Variants in AKT1S1 observed in about 807,000 individuals in gnomAD.
AKT1S1 encodes the protein AKT1 substrate 1, also known as proline-rich AKT1 substrate 1.
In AKT1S1, 17 loss-of-function variants were observed where a neutral mutation model predicts 21.2. That is an observed-to-expected ratio of 0.80 (90% CI 0.55 to 1.20). The LOEUF (loss-of-function observed/expected upper bound fraction) is 1.20. Ranked by LOEUF, AKT1S1 falls within the 50% of genes most tolerant of loss-of-function variation. The pLI is 0.00. For missense variants in AKT1S1, 366 were observed against 368.3 expected (o/e 0.99, Z 0.05); for synonymous variants, 181 against 165.6 (o/e 1.09, Z -0.72).
At chr19:49,876,890 G>A (rs1417159998) in intron 1 of AKT1S1, 2 of 435,324 alleles carry the variant, frequency 4.6e-6, no homozygotes, top group East Asian at 3.6e-5. Context: ...AGTAAACGAA[G>A]GCAAGCGACC....
chr19:49,877,918 T>C (rs1239644613), upstream of AKT1S1: 10 of 827,034 alleles, frequency 1.2e-5, no homozygotes, highest in South Asian at 3.6e-5. Flanking sequence ...GAACCTCCCA[T>C]GGCCCCGCCC....
chr19:49,877,800 T>C (rs116089147), upstream of AKT1S1: 85 of 1,547,998 alleles, frequency 5.5e-5, no homozygotes, highest in Non-Finnish European at 7.4e-5. Flanking sequence ...CCCCGTCTAG[T>C]GATCAGCTCT....
chr19:49,874,927 C>T (rs2074923757), intron 1 of AKT1S1: 1 of 152,224 alleles, frequency 6.6e-6, no homozygotes, highest in South Asian at 2.1e-4. Flanking sequence ...TTGCTGAGCA[C>T]CTATTCAGTG....
chr19:49,877,274 G>A lies in AKT1S1; in HGVS notation c.-45C>T, dbSNP rs12610473. On this transcript the variant is annotated 5_prime_UTR_variant, in exon 1 of 5. Coordinates refer to ENST00000344175, the MANE Select transcript of AKT1S1 (RefSeq NM_001098633.4). Reference sequence around the variant, plus strand: ...TATCCGTTCGGCTCTTCCAGCTGTCGCGCCCCGCAGAGAGATGGGACAGCC... The same window carrying A: ...TATCCGTTCGGCTCTTCCAGCTGTCACGCCCCGCAGAGAGATGGGACAGCC... 2,940 of 173,202 alleles carry A rather than the reference G, an allele frequency of 0.017. 181 individuals carry two copies. The highest frequency in any genetic ancestry group is 0.13 in the East Asian group (773 of 6,108). 10.7% of individuals were successfully genotyped at this position (173,202 alleles called of 1,614,324 possible).
At chr19:49,877,784 G>C (rs774214436), upstream of AKT1S1, 5 of 1,567,578 alleles carry the variant, frequency 3.2e-6, no homozygotes, top group Non-Finnish European at 3.5e-6. Context: ...CAGTGTATGC[G>C]AAACGCCCCG....
rs376302829 is a variant in AKT1S1, at chr19:49,870,065, G to A, written c.628-5C>T. The A allele has an allele frequency of 2.7e-4, 411 of 1,524,014 alleles. 1 individual carries two copies. The highest frequency in any genetic ancestry group is 6.2e-4 in the African/African-American group (44 of 70,418). The allele number at this position is 1,524,014 out of a possible 1,614,324, so 94.4% of individuals were successfully genotyped here. ...GTCCAGGTCGGGCGAAGAGGGCTGC[G>A]GGGACGGCGACGGGGCGAGGTCAGC... On this transcript the variant is annotated splice_region_variant and splice_polypyrimidine_tract_variant and intron_variant, in intron 4 of 4. Transcript: ENST00000344175.
At chr19:49,875,926 G>A (rs2074935897) in intron 1 of AKT1S1, 3 of 985,320 alleles carry the variant, frequency 3.0e-6, no homozygotes, top group South Asian at 4.7e-5. Context: ...AGAGATGGAG[G>A]AAGAACCCGC....
Position 49,873,970 on chromosome 19 carries a change from G to A in AKT1S1, c.-7-668C>T, listed in dbSNP as rs1017773732. On this transcript the variant is annotated intron_variant, in intron 1 of 4. Transcript: ENST00000344175. This position sits in a 1 kb window ranked among gnomAD's most constrained non-coding sequence, Gnocchi z 6.9. ...GAGTGTCCTGCACAAGGCCCAGGGG[G>A]TTCCTTCAGCACCCGGAGCTGATGC... is the stretch of plus-strand genomic sequence containing the variant. 1.3e-5 allele frequency: 2 copies of A among 152,294 alleles called. No individual in the cohort carries two copies. Among genetic ancestry groups the A allele is most frequent in the African/African-American group, 4.8e-5 (2 of 41,442 alleles). 9.4% of individuals were successfully genotyped at this position (152,294 alleles called of 1,614,324 possible).
intron 1 of AKT1S1, among the ~76,000 whole-genome samples, chr19:49,876,415 G>A (rs569726404): frequency 6.6e-6 from 1 of 152,200 alleles, no homozygotes; most frequent in Non-Finnish European, 1.5e-5. Context: ...ATTTGCCTCA[G>A]GTCTGACAGG....
At chr19:49,870,360 G>A (rs974279565) in intron 4 of AKT1S1, among the ~76,000 whole-genome samples, 2 of 152,210 alleles carry the variant, frequency 1.3e-5, no homozygotes, top group African/African-American at 2.4e-5. Context: ...AGCCATTAAG[G>A]CTGAGTGCAC....
At chr19:49,871,431 G>C (rs974343852) in intron 4 of AKT1S1, 116 bp downstream of exon 4, 3 of 1,383,494 alleles carry the variant, frequency 2.2e-6, no homozygotes, top group Non-Finnish European at 3.0e-6. Flanking sequence ...GAGGTTGAGG[G>C]GAGGATTCAG....
rs368073989 is a variant in AKT1S1 at position 49,876,734 on chromosome 19, A to T, written c.-8+503T>A. 3.6e-6 allele frequency: 5 copies of T among 1,391,448 alleles called. No homozygotes were observed. In the Admixed American group the frequency reaches 1.7e-4, roughly 46 times the overall value. 86.2% of individuals were successfully genotyped at this position (1,391,448 alleles called of 1,614,324 possible). On this transcript the variant is annotated intron_variant, in intron 1 of 4. Transcript: ENST00000344175. ...CCGCCTCCCTTATCGGGGCCGCCCG[A>T]GATCAAGATGGCGGCCACAGGGGCT... is the stretch of plus-strand genomic sequence containing the variant.
chr19:49,873,598 G>C lies in AKT1S1; in HGVS notation c.-7-296C>G. 2.4e-6 allele frequency: 1 copy of C among 410,816 alleles called. No individual in the cohort carries two copies. Among genetic ancestry groups the C allele is most frequent in the Non-Finnish European group, 4.3e-6 (1 of 234,688 alleles). The allele number at this position is 410,816 out of a possible 1,614,324, so 25.4% of individuals were successfully genotyped here. On this transcript the variant is annotated intron_variant, in intron 1 of 4. Transcript: ENST00000344175. The surrounding 1 kb of genome is among the most constrained non-coding windows in gnomAD (Gnocchi z 6.9). ...TCTGTGGGAGCCGCCAGCCACATGT[G>C]AACAGGGAGTACTGGAAAGGCAGGG...
intron 2 of AKT1S1, among the ~76,000 whole-genome samples, 169 bp from the exon 3 acceptor site, chr19:49,872,058 T>A (rs893341007): frequency 6.6e-6 from 1 of 152,180 alleles, no homozygotes; most frequent in African/African-American, 2.4e-5. Flanking sequence ...GCCTGCCTGG[T>A]CATCGGCAAA....
rs2074861987 is a variant in AKT1S1, at chr19:49,869,818, C to T, written c.*99G>A. ...TTGGGAATGGGAGACGCAAGGAGGC[C>T]GGTCCCGGATCGGCCTCAGATTAGC... On this transcript the variant is annotated 3_prime_UTR_variant, in exon 5 of 5. Transcript: ENST00000344175. 3 of 1,243,138 alleles carry T rather than the reference C, an allele frequency of 2.4e-6. No homozygotes were observed. The highest frequency in any genetic ancestry group is 1.6e-5 in the African/African-American group (1 of 63,724). 77.0% of individuals were successfully genotyped at this position (1,243,138 alleles called of 1,614,324 possible).
chr19:49,876,172 C>G (rs2074940815), intron 1 of AKT1S1: 1 of 1,005,624 alleles, frequency 9.9e-7, no homozygotes, highest in Admixed American at 6.0e-5. Flanking sequence ...CCTGGGGCCA[C>G]GCTCAGCTGC....
upstream of AKT1S1, chr19:49,878,110 G>T: frequency 1.3e-6 from 2 of 1,540,998 alleles, no homozygotes. Flanking sequence ...CCCTCGCTTG[G>T]GCCCCAGCCC....
intron 1 of AKT1S1, chr19:49,876,913 C>A: frequency 7.3e-6 from 3 of 413,324 alleles, no homozygotes; most frequent in Non-Finnish European, 1.3e-5. Context: ...ACGTCCCTGA[C>A]CCACAATAAA....
rs2074863861 is a variant in AKT1S1 at position 49,869,892 on chromosome 19, G to A, written c.*25C>T. On this transcript the variant is annotated 3_prime_UTR_variant, in exon 5 of 5. Transcript: ENST00000344175. ...CGTAGTGTGGGACGGGGCGGACGCG[G>A]CCCGGGGCGCTCCCTCCCTGGACTT... 9.6e-6 allele frequency: 14 copies of A among 1,464,232 alleles called. No individual in the cohort carries two copies. Among genetic ancestry groups the A allele is most frequent in the African/African-American group, 2.9e-5 (2 of 69,302 alleles). The allele number at this position is 1,464,232 out of a possible 1,614,324, so 90.7% of individuals were successfully genotyped here.
Sources: allele counts gnomAD v4.1 joint callset (sites outside exome capture counted in the v4.1 genomes callset), GRCh38; gene constraint gnomAD v4.1.1; non-coding constraint Gnocchi (gnomAD v3.1); transcripts MANE v1.5; gene names NCBI Gene and HGNC (gene_info 2026-07-23, HGNC 2026-07-21).